CRTC1: variants seen among roughly 807,000 people sequenced by gnomAD.
The protein encoded by CRTC1 is CREB regulated transcription coactivator 1.
Under a neutral mutation model 66.1 loss-of-function variants are expected in CRTC1, and 18 were observed. The observed-to-expected ratio is 0.27, with a 90% CI of 0.19 to 0.40. The LOEUF is 0.40. Among genes scored for constraint, CRTC1 ranks in the 10% least tolerant of loss-of-function variants. The probability of loss-of-function intolerance (pLI) is 1.00; values close to 1 mark genes in which losing one functional copy is unlikely to be tolerated. For synonymous variants in CRTC1, 416 were observed against 398.8 expected, an observed-to-expected ratio of 1.04 and a Z score of -0.51; for missense variants, 669 against 887.9, an observed-to-expected ratio of 0.75 and a Z score of 3.13.
intron 1 of CRTC1, among the ~76,000 whole-genome samples, chr19:18,703,362 C>T (rs1051234317): frequency 6.6e-6 from 1 of 152,090 alleles, no homozygotes; most frequent in African/African-American, 2.4e-5. Flanking sequence ...AACTAGACTC[C>T]AGACTGTGTT....
rs185244386 is a variant in CRTC1, at chr19:18,725,279, G to A, written c.127-17631G>A. 3.5e-3 allele frequency among the ~76,000 whole-genome samples: 531 copies of A among 152,080 alleles called. 2 individuals carry two copies. The highest frequency in any genetic ancestry group is 5.7e-3 in the Non-Finnish European group (389 of 67,956). On this transcript the variant is annotated intron_variant, in intron 1 of 13. Transcript: ENST00000321949. Reference sequence around the variant, plus strand: ...CACCTCCAGCCCCTTCTCTCCCCCAGCTCGGGCCTGAGGCCAGCACCCCTT... The same window carrying A: ...CACCTCCAGCCCCTTCTCTCCCCCAACTCGGGCCTGAGGCCAGCACCCCTT...
At chr19:18,754,116 A>G (rs2054432926) in intron 6 of CRTC1, among the ~76,000 whole-genome samples, 2 of 152,042 alleles carry the variant, frequency 1.3e-5, no homozygotes, top group Admixed American at 6.6e-5. Context: ...AAAAAAAAAA[A>G]AAGAATTAAA....
chr19:18,743,437 A>G (rs2054154952), intron 2 of CRTC1, among the ~76,000 whole-genome samples: 1 of 152,200 alleles, frequency 6.6e-6, no homozygotes, highest in Non-Finnish European at 1.5e-5. Context: ...AGGCCCACAC[A>G]GCGCGGCTCC....
At chr19:18,732,681 C>T (rs575016915) in intron 1 of CRTC1, among the ~76,000 whole-genome samples, 1 of 152,216 alleles carries the variant, frequency 6.6e-6, no homozygotes, top group South Asian at 2.1e-4. Context: ...GGGTGCAGAG[C>T]CCAGCAGCAA....
At chr19:18,694,018 G>C (rs1202283375) in intron 1 of CRTC1, among the ~76,000 whole-genome samples, 1 of 151,870 alleles carries the variant, frequency 6.6e-6, no homozygotes, top group Non-Finnish European at 1.5e-5. Flanking sequence ...TGTAACCCCA[G>C]CTATTCTGGT....
In CRTC1 at chr19:18,768,438, C is replaced by T. The variant is rs756627162; in HGVS notation, c.1012-47C>T. 12 of 1,546,216 alleles carry T rather than the reference C, an allele frequency of 7.8e-6. No individual in the cohort carries two copies. Among genetic ancestry groups the T allele is most frequent in the Middle Eastern group, 1.7e-4 (1 of 5,816 alleles). On this transcript the variant is annotated intron_variant, in intron 9 of 13. Coordinates refer to ENST00000321949, the MANE Select transcript of CRTC1 (RefSeq NM_015321.3). This position sits in a 1 kb window ranked among gnomAD's most constrained non-coding sequence, Gnocchi z 5.6. Reference sequence around the variant, plus strand: ...GCTATGGGGGCCCGAGGGGGCCAGGCGCTGACAACCAGGGCCCGCCCTGCC... The same window carrying T: ...GCTATGGGGGCCCGAGGGGGCCAGGTGCTGACAACCAGGGCCCGCCCTGCC...
At chr19:18,748,182 C>CA (rs1252258560) in intron 4 of CRTC1, among the ~76,000 whole-genome samples, 2 of 152,070 alleles carry the variant, frequency 1.3e-5, no homozygotes, top group African/African-American at 4.8e-5. Flanking sequence ...ACTATACACT[C>CA]AAAAACAGTT....
At chr19:18,704,522 G>A (rs533397915) in intron 1 of CRTC1, among the ~76,000 whole-genome samples, 1 of 152,306 alleles carries the variant, frequency 6.6e-6, no homozygotes, top group Non-Finnish European at 1.5e-5. Context: ...GACCAGTCTA[G>A]TCAACATGTT....
intron 11 of CRTC1, among the ~76,000 whole-genome samples, chr19:18,773,124 C>T (rs548391267): frequency 2.8e-4 from 42 of 152,188 alleles, no homozygotes; most frequent in African/African-American, 9.6e-4. Flanking sequence ...GTCTGGTGTC[C>T]GTCGTGCGCT....
chr19:18,745,586 G>A (rs1386464270), intron 2 of CRTC1, among the ~76,000 whole-genome samples: 3 of 152,152 alleles, frequency 2.0e-5, no homozygotes, highest in African/African-American at 4.8e-5. Context: ...TGCACTGCAC[G>A]CCCCTGCCAC....
At chr19:18,736,008 G>A (rs1204024147) in intron 1 of CRTC1, among the ~76,000 whole-genome samples, 2 of 152,204 alleles carry the variant, frequency 1.3e-5, no homozygotes, top group African/African-American at 4.8e-5. Flanking sequence ...GTGGTGGGGC[G>A]GGAGCTGGGC....
rs903896187 is a variant in CRTC1 at position 18,768,908 on chromosome 19, G to A, written c.1320+115G>A. Reference sequence around the variant, plus strand: ...ATGGGCCAGGGGTCAGAACCCCAGCGAACGCTGCCTGGGCCCACCTCTCCA... The same window carrying A: ...ATGGGCCAGGGGTCAGAACCCCAGCAAACGCTGCCTGGGCCCACCTCTCCA... On this transcript the variant is annotated intron_variant, in intron 10 of 13. Coordinates refer to ENST00000321949, the MANE Select transcript of CRTC1 (RefSeq NM_015321.3). The surrounding 1 kb of genome is among the most constrained non-coding windows in gnomAD (Gnocchi z 5.6). 2.3e-5 allele frequency: 31 copies of A among 1,336,052 alleles called. No homozygotes were observed. Among genetic ancestry groups the A allele is most frequent in the Non-Finnish European group, 2.9e-5 (29 of 1,001,046 alleles). The allele number at this position is 1,336,052 out of a possible 1,614,324, so 82.8% of individuals were successfully genotyped here.
At chr19:18,759,701 CTG>C in intron 7 of CRTC1, 110 bp downstream of exon 7, 2 of 1,240,808 alleles carry the variant, frequency 1.6e-6, no homozygotes, top group South Asian at 1.3e-5. Flanking sequence ...AAGAGGGACA[CTG>C]TGTGACCAGA....
At chr19:18,708,338 G>C (rs368509911) in intron 1 of CRTC1, among the ~76,000 whole-genome samples, 2 of 152,324 alleles carry the variant, frequency 1.3e-5, no homozygotes, top group African/African-American at 4.8e-5. Flanking sequence ...TGGGGTTGGA[G>C]AGGAGAACAG....
At chr19:18,687,278 C>T (rs1366669011) in intron 1 of CRTC1, among the ~76,000 whole-genome samples, 6 of 152,148 alleles carry the variant, frequency 3.9e-5, no homozygotes, top group Non-Finnish European at 7.3e-5. Context: ...GCCACCTCGG[C>T]CTCCCAAATT....
At chr19:18,726,264 C>T (rs888446913) in intron 1 of CRTC1, among the ~76,000 whole-genome samples, 3 of 152,262 alleles carry the variant, frequency 2.0e-5, no homozygotes, top group Admixed American at 6.5e-5. Flanking sequence ...CCTCTCAGAG[C>T]CCCATGCATT....
At chr19:18,685,631 T>G (rs1408839170) in intron 1 of CRTC1, among the ~76,000 whole-genome samples, 1 of 152,176 alleles carries the variant, frequency 6.6e-6, no homozygotes, top group Non-Finnish European at 1.5e-5. Flanking sequence ...TACTCCAGCC[T>G]GGGTGACAAG....
chr19:18,745,438 G>A (rs1435069048), intron 2 of CRTC1, among the ~76,000 whole-genome samples: 1 of 152,234 alleles, frequency 6.6e-6, no homozygotes, highest in African/African-American at 2.4e-5. Flanking sequence ...GGCCGTCCAG[G>A]CCCGGAGAGA....
At chr19:18,726,324 G>A (rs1310549313) in intron 1 of CRTC1, among the ~76,000 whole-genome samples, 2 of 152,258 alleles carry the variant, frequency 1.3e-5, no homozygotes, top group African/African-American at 4.8e-5. Flanking sequence ...CGGTCCCCGG[G>A]GGACAGCAGA....
Sources: gnomAD v4.1 joint callset for allele counts (sites outside exome capture counted in the v4.1 genomes callset) on GRCh38, gnomAD v4.1.1 for gene constraint, Gnocchi (gnomAD v3.1) non-coding constraint, MANE v1.5 for transcripts, NCBI Gene and HGNC (gene_info 2026-07-23, HGNC 2026-07-21) for gene names.